The following PZP variants were observed in gnomAD, a reference collection of about 807,000 sequenced individuals.
The protein encoded by PZP is pregnancy zone protein.
In PZP, 150 loss-of-function variants were observed where a neutral mutation model predicts 179.8. The ratio of observed to expected loss-of-function variants is 0.83; its 90% CI spans 0.73 to 0.96. The LOEUF (loss-of-function observed/expected upper bound fraction) is 0.96. Among genes scored for constraint, PZP ranks in the 40% least tolerant of loss-of-function variants. PZP has a pLI of 0.00. For synonymous variants in PZP, 624 were observed against 652.3 expected (o/e 0.96, Z 0.66); for missense variants, 1,689 against 1,764.0 (o/e 0.96, Z 0.76).
chr12:9,181,757 A>G (rs1942774794), intron 14 of PZP, among the ~76,000 whole-genome samples: 1 of 152,194 alleles, frequency 6.6e-6, no homozygotes, highest in Admixed American at 6.5e-5. Context: ...GAAGAGCATC[A>G]TGAACACAAA....
intron 17 of PZP, chr12:9,167,523 G>C (rs942516469): frequency 1.3e-5 from 2 of 152,098 alleles, no homozygotes; most frequent in African/African-American, 4.8e-5. Flanking sequence ...CTGGGGGTGG[G>C]GGTTCCTTCC....
chr12:9,181,988 C>T lies in PZP; in HGVS notation c.1676G>A (p.Cys559Tyr). 6.2e-7 allele frequency: 1 copy of T among 1,613,612 alleles called. No homozygotes were observed. The highest frequency in any genetic ancestry group is 1.1e-5 in the South Asian group (1 of 90,988). ...GDSEKFEIEN[C>Y]LANKVDLSFS... is the part of the protein sequence containing the mutation. Reference sequence around the variant, plus strand: ...TAAATCGCTCACCTTGTTGGCTAGACAGTTTTCAATCTCAAATTTTTCAGA... The same window carrying T: ...TAAATCGCTCACCTTGTTGGCTAGATAGTTTTCAATCTCAAATTTTTCAGA... The change falls in exon 14 of 36, where the codon TGT becomes TAT. Residue 559 changes from cysteine (C) to tyrosine (Y), a missense_variant. Around this residue, in one of 3 missense-constraint regions of PZP, gnomAD observed 742 missense variants for 730.5 expected, o/e 1.02. Coordinates refer to ENST00000261336, the MANE Select transcript of PZP (RefSeq NM_002864.3).
chr12:9,144,297 C>CTGAGACCTGAGAGTTT (rs1201017093), downstream of PZP, among the ~76,000 whole-genome samples: 82 of 152,298 alleles, frequency 5.4e-4, 2 homozygotes, highest in African/African-American at 1.9e-3. Flanking sequence ...TCTCAGGACT[C>CTGAGACCTGAGAGTTT]TGAGAGCCCA....
downstream of PZP, among the ~76,000 whole-genome samples, chr12:9,145,825 G>A (rs1023471201): frequency 6.6e-6 from 1 of 152,164 alleles, no homozygotes; most frequent in Non-Finnish European, 1.5e-5. Flanking sequence ...AGTATTCTTG[G>A]TTAGCAGGTT....
intron 32 of PZP, 105 bp downstream of exon 32, chr12:9,152,115 T>G (rs747347755): frequency 1.1e-6 from 1 of 888,910 alleles, no homozygotes; most frequent in East Asian, 2.5e-5. Context: ...AAATATTTTT[T>G]TGAGGCAGGA....
At chr12:9,197,690 ATATATAATTATATAT>A (rs1943892693) in intron 7 of PZP, among the ~76,000 whole-genome samples, 1 of 92,232 alleles carries the variant, frequency 1.1e-5, no homozygotes, top group East Asian at 2.7e-4. Flanking sequence ...AATACATAAT[ATATATAATTATATAT>A]TATACAATAC....
Position 9,152,262 on chromosome 12 carries a change from C to G in PZP, c.4170G>C (p.Lys1390Asn). The G allele has an allele frequency of 6.2e-7, 1 of 1,613,270 alleles. No homozygotes were observed. Among genetic ancestry groups the G allele is most frequent in the Non-Finnish European group, 8.5e-7 (1 of 1,179,278 alleles). Reference sequence around the variant, plus strand: ...TCAGGGGAATAAAACCAGATACCATCTTTACATCAACAATCACCATATTGG... The same window carrying G: ...TCAGGGGAATAAAACCAGATACCATGTTTACATCAACAATCACCATATTGG... ...PASNMVIVDV[K>N]MVSGFIPLKP... is the part of the protein sequence containing the mutation. Residue 1390 changes from lysine (K) to asparagine (N), a missense_variant, in exon 32 of 36, where the codon AAG becomes AAC. Coordinates refer to ENST00000261336, the MANE Select transcript of PZP (RefSeq NM_002864.3).
chr12:9,203,524 G>A (rs145636396), intron 2 of PZP, among the ~76,000 whole-genome samples: 1,618 of 151,946 alleles, frequency 0.011, 38 homozygotes, highest in African/African-American at 0.037. Context: ...TGTATTTTTG[G>A]TAGAGACGGG....
intron 10 of PZP, among the ~76,000 whole-genome samples, chr12:9,194,465 T>C (rs979396221): frequency 6.9e-6 from 1 of 145,048 alleles, no homozygotes; most frequent in African/African-American, 2.5e-5. Context: ...TCAGGGAGTT[T>C]TTTTTTTTTT....
chr12:9,160,041 T>A lies in PZP; in HGVS notation c.3050-16A>T. 6.2e-7 allele frequency: 1 copy of A among 1,603,420 alleles called. No individual in the cohort carries two copies. Among genetic ancestry groups the A allele is most frequent in the Non-Finnish European group, 8.5e-7 (1 of 1,170,510 alleles). On this transcript the variant is annotated splice_polypyrimidine_tract_variant and intron_variant, in intron 24 of 35. Coordinates refer to ENST00000261336, the MANE Select transcript of PZP (RefSeq NM_002864.3). ...CTCTGGTAACCTGAAATGGAAGGCT[T>A]CAGATTGTTCATGAAGCATTAAAGA...
intron 15 of PZP, among the ~76,000 whole-genome samples, chr12:9,178,929 A>G (rs1040565849): frequency 6.6e-6 from 1 of 152,236 alleles, no homozygotes; most frequent in Non-Finnish European, 1.5e-5. Flanking sequence ...TTTAATAGAC[A>G]TGAAGTAGAA....
At chr12:9,154,338 C>G (rs1940582775) in intron 29 of PZP, among the ~76,000 whole-genome samples, 1 of 152,162 alleles carries the variant, frequency 6.6e-6, no homozygotes, top group African/African-American at 2.4e-5. Context: ...CTGAAAAACT[C>G]TGGTCTAGAA....
chr12:9,193,976 T>C, intron 11 of PZP, 101 bp downstream of exon 11: 1 of 1,154,518 alleles, frequency 8.7e-7, no homozygotes, highest in South Asian at 2.1e-5. Flanking sequence ...TTAGATATCT[T>C]CTTATTTCTT....
At chr12:9,203,371 T>C (rs1347454123) in intron 2 of PZP, among the ~76,000 whole-genome samples, 1 of 138,786 alleles carries the variant, frequency 7.2e-6, no homozygotes, top group Non-Finnish European at 1.5e-5. Flanking sequence ...AGACGGAGTC[T>C]CGCTCTGTCG....
chr12:9,188,276 C>T (rs1178922102), intron 13 of PZP, among the ~76,000 whole-genome samples: 1 of 152,010 alleles, frequency 6.6e-6, no homozygotes, highest in African/African-American at 2.4e-5. Flanking sequence ...GACAAAAATA[C>T]GATTATCTTA....
At chr12:9,146,394 G>T (rs1057048837), downstream of PZP, among the ~76,000 whole-genome samples, 2 of 151,770 alleles carry the variant, frequency 1.3e-5, no homozygotes, top group African/African-American at 4.8e-5. Flanking sequence ...TTGTGGTTTT[G>T]TTGAAATTCT....
At chr12:9,172,072 A>G (rs888873077) in intron 15 of PZP, among the ~76,000 whole-genome samples, 2 of 152,292 alleles carry the variant, frequency 1.3e-5, no homozygotes, top group East Asian at 3.9e-4. Context: ...GAAAGAAACC[A>G]TGTTAAGGAC....
intron 7 of PZP, among the ~76,000 whole-genome samples, chr12:9,199,006 CT>C (rs1944000712): frequency 6.6e-6 from 1 of 152,118 alleles, no homozygotes; most frequent in Non-Finnish European, 1.5e-5. Context: ...TTAAAAGGAA[CT>C]GTAAGAGGTA....
At chr12:9,164,331 C>A in intron 19 of PZP, 72 bp from the exon 20 acceptor site, 2 of 1,488,930 alleles carry the variant, frequency 1.3e-6, no homozygotes, top group Non-Finnish European at 9.2e-7. Flanking sequence ...GAATTGGGGC[C>A]AAGTGTGAGA....
Sources: allele counts gnomAD v4.1 joint callset (sites outside exome capture counted in the v4.1 genomes callset), GRCh38; gene constraint gnomAD v4.1.1; regional missense constraint gnomAD v4.1.1; transcripts MANE v1.5; gene names NCBI Gene and HGNC (gene_info 2026-07-23, HGNC 2026-07-21).